Variants in TAFA2 observed in about 807,000 individuals in gnomAD.
TAFA2 encodes the protein TAFA chemokine like family member 2.
TAFA2 carries 7 observed loss-of-function variants against 18.8 expected under a neutral mutation model. The ratio of observed to expected loss-of-function variants is 0.37; its 90% CI spans 0.21 to 0.70. The LOEUF is 0.70. Among genes scored for constraint, TAFA2 ranks in the 30% least tolerant of loss-of-function variants. The pLI is 0.53. For missense variants in TAFA2, 122 were observed against 158.1 expected (o/e 0.77, Z 1.23); for synonymous variants, 60 against 54.2 (o/e 1.11, Z -0.47).
chr12:62,144,780 T>A (rs1437494249), intron 1 of TAFA2, among the ~76,000 whole-genome samples: 1 of 152,134 alleles, frequency 6.6e-6, no homozygotes, highest in Non-Finnish European at 1.5e-5. Context: ...GCTGGCAGTT[T>A]TTTTTATTAA....
At chr12:61,761,762 C>T (rs1441154443) in intron 2 of TAFA2, among the ~76,000 whole-genome samples, 2 of 152,004 alleles carry the variant, frequency 1.3e-5, no homozygotes, top group Non-Finnish European at 2.9e-5. Flanking sequence ...TAACTTACTT[C>T]CAGAAATCAT....
chr12:61,966,359 G>T (rs76431287), intron 1 of TAFA2, among the ~76,000 whole-genome samples: 2,118 of 151,982 alleles, frequency 0.014, 64 homozygotes, highest in African/African-American at 0.048. Context: ...AAGGAACACT[G>T]GTGGAAGAGA....
chr12:62,143,122 T>G (rs1467682559), intron 1 of TAFA2, among the ~76,000 whole-genome samples: 1 of 152,200 alleles, frequency 6.6e-6, no homozygotes, highest in Non-Finnish European at 1.5e-5. Context: ...TGGCTAAGTT[T>G]AAAATTTTGC....
At chr12:62,139,800 T>G (rs2062225683) in intron 1 of TAFA2, among the ~76,000 whole-genome samples, 1 of 152,166 alleles carries the variant, frequency 6.6e-6, no homozygotes, top group Admixed American at 6.5e-5. Context: ...TTCCTCACTA[T>G]ACAGACAAGA....
At chr12:61,810,503 T>A (rs887217227) in intron 2 of TAFA2, among the ~76,000 whole-genome samples, 1 of 151,512 alleles carries the variant, frequency 6.6e-6, no homozygotes, top group Non-Finnish European at 1.5e-5. Context: ...TACACAATGA[T>A]TTCTATTACT....
At chr12:62,246,107 C>T (rs2062884799) in intron 1 of TAFA2, among the ~76,000 whole-genome samples, 1 of 151,946 alleles carries the variant, frequency 6.6e-6, no homozygotes, top group African/African-American at 2.4e-5. Context: ...CCGCCTCAGG[C>T]TCCCAAGTAG....
At chr12:61,734,566 T>A (rs11831857) in intron 4 of TAFA2, among the ~76,000 whole-genome samples, 2,260 of 151,948 alleles carry the variant, frequency 0.015, 48 homozygotes, top group African/African-American at 0.05. Context: ...GAGAAAGGAA[T>A]GTATTAGGCC....
At chr12:61,905,018 T>G (rs10877765) in intron 1 of TAFA2, among the ~76,000 whole-genome samples, 83,959 of 151,982 alleles carry the variant, frequency 0.55, 24,726 homozygotes, top group African/African-American at 0.76. Flanking sequence ...AGAGGAAAGC[T>G]TACCTTCAGT....
At chr12:61,932,682 T>C (rs1240568746) in intron 1 of TAFA2, among the ~76,000 whole-genome samples, 1 of 152,110 alleles carries the variant, frequency 6.6e-6, no homozygotes, top group East Asian at 1.9e-4. Flanking sequence ...CCTCGTGATC[T>C]GTCCTCCTCG....
At chr12:61,796,837 GATT>G (rs1871207950) in intron 2 of TAFA2, among the ~76,000 whole-genome samples, 1 of 152,072 alleles carries the variant, frequency 6.6e-6, no homozygotes, top group South Asian at 2.1e-4. Context: ...TGTGTTCCTA[GATT>G]ATAAGAAATG....
At chr12:62,115,920 C>T (rs1869943472) in intron 1 of TAFA2, among the ~76,000 whole-genome samples, 1 of 152,152 alleles carries the variant, frequency 6.6e-6, no homozygotes, top group African/African-American at 2.4e-5. Context: ...TTCTCTGCAT[C>T]CTTCTGTGTG....
At chr12:61,885,991 G>T (rs987014950) in intron 1 of TAFA2, among the ~76,000 whole-genome samples, 1 of 152,126 alleles carries the variant, frequency 6.6e-6, no homozygotes, top group East Asian at 1.9e-4. Flanking sequence ...GAACCAATCA[G>T]AAAGGAAAAT....
Position 61,845,453 on chromosome 12 carries a change from G to A in TAFA2, c.106+21867C>T, listed in dbSNP as rs569163707. On this transcript the variant is annotated intron_variant, in intron 2 of 4. Transcript: ENST00000416284. ...ACACACCAAGCCAAGTCTTCTCATT[G>A]CCTTGTGGCACCAGGACAAGTGACA... is the stretch of plus-strand genomic sequence containing the variant. 1.7e-4 allele frequency among the ~76,000 whole-genome samples: 26 copies of A among 152,226 alleles called. 1 individual carries two copies. In the South Asian group the frequency reaches 4.1e-3, roughly 24 times the overall value.
intron 1 of TAFA2, among the ~76,000 whole-genome samples, chr12:62,045,185 A>G (rs192407802): frequency 3.2e-4 from 49 of 152,316 alleles, no homozygotes; most frequent in African/African-American, 1.2e-3. Flanking sequence ...CCAAAGAAAT[A>G]TAAATCCATA....
At chr12:62,109,692 A>T (rs1270004817) in intron 1 of TAFA2, among the ~76,000 whole-genome samples, 1 of 152,160 alleles carries the variant, frequency 6.6e-6, no homozygotes, top group Non-Finnish European at 1.5e-5. Flanking sequence ...GAGGTCCTTC[A>T]CATCTCTTGT....
At chr12:62,180,551 T>G (rs2062545273) in intron 1 of TAFA2, among the ~76,000 whole-genome samples, 1 of 152,244 alleles carries the variant, frequency 6.6e-6, no homozygotes, top group Non-Finnish European at 1.5e-5. Context: ...CTGAACTTTT[T>G]CAGGTTTTAT....
At chr12:62,021,848 T>G (rs1474493428) in intron 1 of TAFA2, 2 of 794,924 alleles carry the variant, frequency 2.5e-6, no homozygotes, top group Non-Finnish European at 4.6e-6. Flanking sequence ...CCACAAAACT[T>G]CATGGATTTA....
chr12:62,009,258 C>T (rs868585621), intron 1 of TAFA2, among the ~76,000 whole-genome samples: 16 of 152,228 alleles, frequency 1.1e-4, no homozygotes, highest in Middle Eastern at 6.8e-3. Context: ...TGCAGGTCCC[C>T]TTATTTATAA....
At position 62,119,265 on chromosome 12, in the gene TAFA2, G is replaced by T. The variant is rs554631614; in HGVS notation, c.-2+71994C>A. Among the ~76,000 whole-genome samples, 8 of 151,976 alleles carry T rather than the reference G, an allele frequency of 5.3e-5. No homozygotes were observed. The South Asian group carries it at 6.2e-4, about 12-fold the overall frequency. ...TACTACTTACATAAAATTCTAATTA[G>T]TTATATAATGTTTTCTTAAATGAAA... On this transcript the variant is annotated intron_variant, in intron 1 of 4. Coordinates refer to ENST00000416284, the MANE Select transcript of TAFA2 (RefSeq NM_178539.5).
Sources: allele counts gnomAD v4.1 joint callset (sites outside exome capture counted in the v4.1 genomes callset), GRCh38; gene constraint gnomAD v4.1.1; transcripts MANE v1.5; gene names NCBI Gene and HGNC (gene_info 2026-07-23, HGNC 2026-07-21).